Variants in NR6A1 observed in about 807,000 individuals in gnomAD.
NR6A1 encodes retinoic acid receptor-related testis-associated receptor.
Under a neutral mutation model 59.1 loss-of-function variants are expected in NR6A1, and 7 were observed. That is an observed-to-expected ratio of 0.12 (90% CI 0.07 to 0.22). The LOEUF is 0.22. Ranked by LOEUF, NR6A1 falls within the 10% of genes least tolerant of loss-of-function variation. NR6A1 has a pLI of 1.00. For missense variants in NR6A1, 468 were observed against 611.6 expected, an observed-to-expected ratio of 0.77 and a Z score of 2.48; for synonymous variants, 243 against 236.1, an observed-to-expected ratio of 1.03 and a Z score of -0.27.
intron 1 of NR6A1, among the ~76,000 whole-genome samples, chr9:124,757,394 A>T (rs958738782): frequency 6.6e-6 from 1 of 152,044 alleles, no homozygotes; most frequent in African/African-American, 2.4e-5. Flanking sequence ...ATAACAGGAG[A>T]AAAAACATTT....
intron 2 of NR6A1, among the ~76,000 whole-genome samples, chr9:124,682,810 G>A (rs553160658): frequency 6.6e-6 from 1 of 152,286 alleles, no homozygotes; most frequent in South Asian, 2.1e-4. Flanking sequence ...TTCTTTCTTT[G>A]TTTGGCAAGA....
At chr9:124,599,674 G>A in intron 2 of NR6A1, 2 of 977,478 alleles carry the variant, frequency 2.0e-6, no homozygotes, top group Non-Finnish European at 2.6e-6. Context: ...CTCTGCGTCT[G>A]GCCATGAAGT....
intron 2 of NR6A1, among the ~76,000 whole-genome samples, chr9:124,563,117 A>G (rs1400973027): frequency 6.6e-6 from 1 of 152,240 alleles, no homozygotes; most frequent in East Asian, 1.9e-4. Flanking sequence ...GAAGATACAC[A>G]ATTTGTTGAA....
chr9:124,715,607 T>A (rs1839396828), intron 2 of NR6A1, among the ~76,000 whole-genome samples: 1 of 151,984 alleles, frequency 6.6e-6, no homozygotes, highest in African/African-American at 2.4e-5. Flanking sequence ...TCTTCCCAAA[T>A]GGACAGAGTC....
chr9:124,523,880 G>T (rs569460160), intron 9 of NR6A1, among the ~76,000 whole-genome samples: 1 of 152,058 alleles, frequency 6.6e-6, no homozygotes, highest in African/African-American at 2.4e-5. Context: ...GAAGAATCCC[G>T]GTCTATAGGT....
chr9:124,654,605 C>T (rs1287724701), intron 2 of NR6A1, among the ~76,000 whole-genome samples: 1 of 152,054 alleles, frequency 6.6e-6, no homozygotes, highest in East Asian at 1.9e-4. Flanking sequence ...TGACTTGGCT[C>T]TCAGCTTGCA....
chr9:124,657,832 T>C (rs1309557972), intron 2 of NR6A1, among the ~76,000 whole-genome samples: 1 of 152,100 alleles, frequency 6.6e-6, no homozygotes, highest in Non-Finnish European at 1.5e-5. Context: ...TTCTTCCTCA[T>C]ACATCCAAAC....
intron 7 of NR6A1, among the ~76,000 whole-genome samples, chr9:124,531,059 G>C (rs1467446292): frequency 6.6e-6 from 1 of 152,230 alleles, no homozygotes; most frequent in Admixed American, 6.5e-5. Context: ...ATAATTGTTA[G>C]CTGTTATCAT....
intron 1 of NR6A1, among the ~76,000 whole-genome samples, chr9:124,761,707 G>A (rs1239699098): frequency 6.6e-6 from 1 of 152,192 alleles, no homozygotes; most frequent in African/African-American, 2.4e-5. Context: ...AACTATTCTT[G>A]ATGGAAGTTT....
intron 3 of NR6A1, among the ~76,000 whole-genome samples, chr9:124,544,617 G>A (rs1186354561): frequency 6.6e-6 from 1 of 152,182 alleles, no homozygotes; most frequent in Admixed American, 6.5e-5. Context: ...AGTGCTCCAG[G>A]TTGAGCGAAC....
intron 1 of NR6A1, among the ~76,000 whole-genome samples, chr9:124,743,332 C>G (rs1840229989): frequency 6.6e-6 from 1 of 152,200 alleles, no homozygotes; most frequent in East Asian, 1.9e-4. Context: ...AAACATAGCA[C>G]CACAAGTCCA....
At chr9:124,651,310 C>T (rs1466493997) in intron 2 of NR6A1, among the ~76,000 whole-genome samples, 7 of 152,164 alleles carry the variant, frequency 4.6e-5, no homozygotes, top group African/African-American at 1.4e-4. Flanking sequence ...CCGTCCACCT[C>T]GGCCTCCCAA....
chr9:124,537,962 C>T, intron 6 of NR6A1, 130 bp downstream of exon 6: 1 of 671,874 alleles, frequency 1.5e-6, no homozygotes, highest in South Asian at 2.0e-5. Flanking sequence ...CAGATTTGTC[C>T]CCTGACACTT....
Position 124,599,618 on chromosome 9 carries a change from C to T in NR6A1, c.143-45048G>A, listed in dbSNP as rs1026342106. ...GCGGCGGCCGCTCGGCTGAGTCGGT[C>T]GTCGCCGGCTCCGCGGCCTCTCGGC... is the stretch of plus-strand genomic sequence containing the variant. On this transcript the variant is annotated intron_variant, in intron 2 of 9. Transcript: ENST00000487099. 3.4e-6 allele frequency: 4 copies of T among 1,175,470 alleles called. No individual in the cohort carries two copies. In the African/African-American group the frequency reaches 5.0e-5, roughly 15 times the overall value. The allele number at this position is 1,175,470 out of a possible 1,614,324, so 72.8% of individuals were successfully genotyped here. A position where few individuals can be genotyped will look rare whatever the true frequency, so the allele number is the denominator to read the frequency against.
intron 1 of NR6A1, among the ~76,000 whole-genome samples, chr9:124,751,469 CA>C (rs1840497455): frequency 6.6e-6 from 1 of 152,208 alleles, no homozygotes; most frequent in African/African-American, 2.4e-5. Context: ...CTCCTTACTT[CA>C]TTACTTCATA....
intron 2 of NR6A1, among the ~76,000 whole-genome samples, chr9:124,719,782 C>T (rs1457518124): frequency 2.0e-5 from 3 of 151,890 alleles, no homozygotes; most frequent in African/African-American, 7.3e-5. Context: ...TAGCCCACCG[C>T]GGTAATGCGC....
chr9:124,677,024 CAA>C (rs2130982813), intron 2 of NR6A1, among the ~76,000 whole-genome samples: 1 of 152,120 alleles, frequency 6.6e-6, no homozygotes, highest in East Asian at 1.9e-4. Context: ...ACCACACAAA[CAA>C]GACTTCATTC....
intron 1 of NR6A1, among the ~76,000 whole-genome samples, chr9:124,750,240 T>C (rs146983627): frequency 2.1e-3 from 325 of 152,318 alleles, no homozygotes; most frequent in African/African-American, 7.4e-3. Flanking sequence ...TTTTGCTTTG[T>C]TTCCTAAAAG....
In NR6A1 at chr9:124,652,495, A is replaced by G. The variant is rs1837135684; in HGVS notation, c.142+80813T>C. Among the ~76,000 whole-genome samples, 3 of 152,288 alleles carry G rather than the reference A, an allele frequency of 2.0e-5. No individual in the cohort carries two copies. The South Asian group carries it at 6.2e-4, about 32-fold the overall frequency. ...CACTGTTATGAGAATTAATTCAAAA[A>G]CCAATGTCAAATGTGCCTAGTACAG... On this transcript the variant is annotated intron_variant, in intron 2 of 9. Coordinates refer to ENST00000487099, the MANE Select transcript of NR6A1 (RefSeq NM_033334.4).
Sources: allele counts gnomAD v4.1 joint callset (sites outside exome capture counted in the v4.1 genomes callset), GRCh38; gene constraint gnomAD v4.1.1; transcripts MANE v1.5; gene names NCBI Gene and HGNC (gene_info 2026-07-23, HGNC 2026-07-21).